ARMH3: variants seen among roughly 807,000 people sequenced by gnomAD.
ARMH3 encodes the protein armadillo-like helical domain-containing protein 3.
Under a neutral mutation model 99.1 loss-of-function variants are expected in ARMH3, and 60 were observed. The ratio of observed to expected loss-of-function variants is 0.61; its 90% CI spans 0.49 to 0.75. The LOEUF (loss-of-function observed/expected upper bound fraction) is 0.75. ARMH3 is among the 30% of genes least tolerant of loss of function. The pLI is 0.00. For missense variants in ARMH3, 679 were observed against 843.1 expected (o/e 0.81, Z 2.41); for synonymous variants, 285 against 292.8 (o/e 0.97, Z 0.27).
At chr10:102,005,730 A>G (rs531135182) in intron 14 of ARMH3, among the ~76,000 whole-genome samples, 12 of 152,330 alleles carry the variant, frequency 7.9e-5, no homozygotes, top group South Asian at 6.2e-4. Context: ...CTCAGCCTAT[A>G]ATAGACCTCA....
intron 20 of ARMH3, among the ~76,000 whole-genome samples, chr10:101,969,790 A>G (rs1402174574): frequency 6.6e-6 from 1 of 152,182 alleles, no homozygotes; most frequent in Non-Finnish European, 1.5e-5. Context: ...GTGTCTGAGC[A>G]TAGGAGTCAG....
chr10:101,975,049 T>TAAAAAAAAAAAAACAAA (rs1845929901), intron 20 of ARMH3, among the ~76,000 whole-genome samples, 163 bp downstream of exon 20: 1 of 29,668 alleles, frequency 3.4e-5, no homozygotes, highest in Non-Finnish European at 6.0e-5. Flanking sequence ...AGCTAAAACG[T>TAAAAAAAAAAAAACAAA]AAAAAAAAAA....
chr10:102,047,966 C>T (rs996253438), intron 1 of ARMH3, among the ~76,000 whole-genome samples: 1 of 152,078 alleles, frequency 6.6e-6, no homozygotes, highest in Non-Finnish European at 1.5e-5. Flanking sequence ...ATACAATACT[C>T]GAGGCAGCCT....
chr10:101,940,246 C>T (rs1844176744), intron 22 of ARMH3, among the ~76,000 whole-genome samples: 2 of 152,176 alleles, frequency 1.3e-5, no homozygotes, highest in South Asian at 4.1e-4. Flanking sequence ...CATGCATTTA[C>T]AATCTGCACT....
chr10:101,957,816 A>T, intron 20 of ARMH3, 84 bp from the exon 21 acceptor site: 1 of 1,483,440 alleles, frequency 6.7e-7, no homozygotes, highest in East Asian at 2.5e-5. Flanking sequence ...GCTCTAAAAA[A>T]AATCCAGAAG....
intron 8 of ARMH3, 91 bp downstream of exon 8, chr10:102,023,386 C>G: frequency 2.6e-6 from 3 of 1,143,566 alleles, no homozygotes; most frequent in South Asian, 2.9e-5. Flanking sequence ...TTACCAAGAA[C>G]GTCTTCTACA....
intron 20 of ARMH3, among the ~76,000 whole-genome samples, chr10:101,963,427 G>A (rs936932008): frequency 1.3e-5 from 2 of 151,876 alleles, no homozygotes; most frequent in African/African-American, 2.4e-5. Flanking sequence ...GTGAGCCACC[G>A]TGCCCAGCCA....
intron 23 of ARMH3, among the ~76,000 whole-genome samples, chr10:101,890,044 A>C (rs879339942): frequency 1.2e-4 from 19 of 152,150 alleles, no homozygotes; most frequent in Admixed American, 2.0e-4. Context: ...ACCTAGTCTT[A>C]TCAAATCTAC....
At chr10:102,021,032 C>G (rs1590194650) in intron 8 of ARMH3, among the ~76,000 whole-genome samples, 1 of 151,920 alleles carries the variant, frequency 6.6e-6, no homozygotes, top group African/African-American at 2.4e-5. Context: ...AGATCAACAA[C>G]TATTTTATAT....
intron 19 of ARMH3, among the ~76,000 whole-genome samples, chr10:101,985,111 A>ACACG (rs1846415029): frequency 6.9e-6 from 1 of 145,856 alleles, no homozygotes; most frequent in Non-Finnish European, 1.5e-5. Context: ...ACACACACAC[A>ACACG]CGTGTACATA....
chr10:101,991,232 C>T (rs1320896991), intron 18 of ARMH3, among the ~76,000 whole-genome samples: 1 of 152,124 alleles, frequency 6.6e-6, no homozygotes, highest in Non-Finnish European at 1.5e-5. Flanking sequence ...TCTGGACAGA[C>T]AAAATTACCC....
intron 23 of ARMH3, among the ~76,000 whole-genome samples, chr10:101,914,819 T>C (rs370966256): frequency 8.4e-6 from 1 of 118,824 alleles, no homozygotes; most frequent in Non-Finnish European, 1.6e-5. Flanking sequence ...TGAGCCAAGA[T>C]CACAGCTATT....
chr10:101,941,224 A>G (rs1844227034), intron 22 of ARMH3, among the ~76,000 whole-genome samples: 1 of 152,240 alleles, frequency 6.6e-6, no homozygotes, highest in African/African-American at 2.4e-5. Context: ...GTCCAAGTCC[A>G]GCCCCTACCA....
chr10:101,925,804 G>A (rs1458501556), intron 23 of ARMH3, among the ~76,000 whole-genome samples: 2 of 152,164 alleles, frequency 1.3e-5, no homozygotes, highest in African/African-American at 4.8e-5. Context: ...CGGCTACCCA[G>A]GGAGGCTGAG....
At chr10:101,964,666 G>A (rs1478650558) in intron 20 of ARMH3, among the ~76,000 whole-genome samples, 1 of 152,156 alleles carries the variant, frequency 6.6e-6, no homozygotes, top group African/African-American at 2.4e-5. Context: ...AATACCCAGA[G>A]TAATCAAATT....
At chr10:101,956,982 C>T (rs1845069224) in intron 21 of ARMH3, among the ~76,000 whole-genome samples, 1 of 152,074 alleles carries the variant, frequency 6.6e-6, no homozygotes, top group Non-Finnish European at 1.5e-5. Flanking sequence ...CTTTTACTAA[C>T]CTATGCTCTG....
intron 19 of ARMH3, among the ~76,000 whole-genome samples, chr10:101,985,186 ATATG>A (rs778549685): frequency 3.4e-5 from 5 of 147,694 alleles, no homozygotes; most frequent in Admixed American, 6.8e-5. Flanking sequence ...ATATGAATAT[ATATG>A]TGTGTATATA....
intron 1 of ARMH3, among the ~76,000 whole-genome samples, chr10:102,051,708 A>G (rs918873352): frequency 1.3e-5 from 2 of 152,206 alleles, no homozygotes; most frequent in South Asian, 4.1e-4. Flanking sequence ...CCCAAGACTA[A>G]GAAGCAAATG....
intron 24 of ARMH3, among the ~76,000 whole-genome samples, chr10:101,873,280 T>C (rs1423796982): frequency 1.3e-5 from 2 of 149,666 alleles, no homozygotes; most frequent in Admixed American, 1.3e-4. Context: ...GGCGTGGTAG[T>C]GTGCACCTGT....
Sources: allele counts gnomAD v4.1 joint callset (sites outside exome capture counted in the v4.1 genomes callset), GRCh38; gene constraint gnomAD v4.1.1; transcripts MANE v1.5; gene names NCBI Gene and HGNC (gene_info 2026-07-23, HGNC 2026-07-21).